Variants in ANKRD52 observed in about 807,000 individuals in gnomAD.
The protein encoded by ANKRD52 is serine/threonine-protein phosphatase 6 regulatory ankyrin repeat subunit C.
Under a neutral mutation model 116.0 loss-of-function variants are expected in ANKRD52, and 7 were observed. The ratio of observed to expected loss-of-function variants is 0.06; its 90% confidence interval spans 0.03 to 0.11. The LOEUF is 0.11. ANKRD52 is among the 10% of genes least tolerant of loss of function. The probability of loss-of-function intolerance (pLI) is 1.00; values close to 1 mark genes in which losing one functional copy is unlikely to be tolerated. For missense variants in ANKRD52, 839 were observed against 1,408.6 expected (o/e 0.60, Z 6.47); for synonymous variants, 528 against 578.1 (o/e 0.91, Z 1.24).
In ANKRD52 at chr12:56,254,014, C is replaced by T. The variant is rs1024053923; in HGVS notation, c.906+53G>A. On this transcript the variant is annotated intron_variant, in intron 8 of 27. Coordinates refer to ENST00000267116, the MANE Select transcript of ANKRD52 (RefSeq NM_173595.4). This position sits in a 1 kb window ranked among gnomAD's most constrained non-coding sequence, Gnocchi z 4.6. ...AGAGCTATCCAGATACAGTCAGGACCCCTAGATCCAAGTTTCGCTCCCCAC... is the reference window on the plus strand; with the variant it reads ...AGAGCTATCCAGATACAGTCAGGACTCCTAGATCCAAGTTTCGCTCCCCAC... 6.5e-6 allele frequency: 10 copies of T among 1,544,572 alleles called. No homozygotes were observed. Among genetic ancestry groups the T allele is most frequent in the African/African-American group, 1.4e-5 (1 of 73,368 alleles).
In ANKRD52 at chr12:56,252,928, C is replaced by A; in HGVS notation, c.1184-31G>T. ...GGCACAGAACAGCCACAGGTCACAT[C>A]TGAGAGTGTTCAGCAGGGAGGGAAA... On this transcript the variant is annotated intron_variant, in intron 11 of 27. Coordinates refer to ENST00000267116, the MANE Select transcript of ANKRD52 (RefSeq NM_173595.4). This position sits in a 1 kb window ranked among gnomAD's most constrained non-coding sequence, Gnocchi z 4.7. 6.2e-7 allele frequency: 1 copy of A among 1,609,222 alleles called. No individual in the cohort carries two copies. The highest frequency in any genetic ancestry group is 8.5e-7 in the Non-Finnish European group (1 of 1,177,366).
At position 56,244,909 on chromosome 12, in the gene ANKRD52, C is replaced by T. The variant is rs1871326040; in HGVS notation, c.2573G>A (p.Gly858Glu). ...AKIVNSRDAK[G>E]RTPLHAAAFA... ...TCCCAAGTCTTCCATCACTCACCGTCCTTTGGCATCTCGGCTGTTCACAAT... is the reference window on the plus strand; with the variant it reads ...TCCCAAGTCTTCCATCACTCACCGTTCTTTGGCATCTCGGCTGTTCACAAT... Residue 858 changes from glycine (G) to glutamate (E), a missense_variant, in exon 23 of 28, where the codon GGA becomes GAA. Coordinates refer to ENST00000267116, the MANE Select transcript of ANKRD52 (RefSeq NM_173595.4). This position sits in a 1 kb window ranked among gnomAD's most constrained non-coding sequence, Gnocchi z 4.9. 1 of 1,614,026 alleles carries T rather than the reference C, an allele frequency of 6.2e-7. No individual in the cohort carries two copies. Among genetic ancestry groups the T allele is most frequent in the Non-Finnish European group, 8.5e-7 (1 of 1,179,898 alleles).
chr12:56,243,418 G>A lies in ANKRD52; in HGVS notation c.2981-26C>T, dbSNP rs375274236. 2.1e-5 allele frequency: 34 copies of A among 1,610,096 alleles called. No homozygotes were observed. The African/African-American group carries it at 3.9e-4, about 18-fold the overall frequency. On this transcript the variant is annotated intron_variant, in intron 27 of 27. Coordinates refer to ENST00000267116, the MANE Select transcript of ANKRD52 (RefSeq NM_173595.4). The surrounding 1 kb of genome is among the most constrained non-coding windows in gnomAD (Gnocchi z 4.6). ...CTGCAGGGCCAAGGGGGAGAACTGA[G>A]GCATAGAGTCCTGTATCCTAGCCAG... is the stretch of plus-strand genomic sequence containing the variant.
Position 56,248,464 on chromosome 12 carries a change from G to A in ANKRD52, c.1776+31C>T. 7 of 1,571,868 alleles carry A rather than the reference G, an allele frequency of 4.5e-6. No homozygotes were observed. The highest frequency in any genetic ancestry group is 6.0e-6 in the Non-Finnish European group (7 of 1,157,156). On this transcript the variant is annotated intron_variant, in intron 17 of 27. Coordinates refer to ENST00000267116, the MANE Select transcript of ANKRD52 (RefSeq NM_173595.4). This position sits in a 1 kb window ranked among gnomAD's most constrained non-coding sequence, Gnocchi z 5.1. ...AGGGCCTGGGAACAGGTAGGACAAG[G>A]AAGGCAACAGAAAAAAGACGTGGGA...
At position 56,241,649 on chromosome 12, in the gene ANKRD52, A is replaced by G. The variant is rs1358718538; in HGVS notation, c.*1493T>C. 1.3e-5 allele frequency: 3 copies of G among 230,406 alleles called. No individual in the cohort carries two copies. Among genetic ancestry groups the G allele is most frequent in the African/African-American group, 4.5e-5 (2 of 44,472 alleles). The allele number at this position is 230,406 out of a possible 1,614,324, so 14.3% of individuals were successfully genotyped here. A position where few individuals can be genotyped will look rare whatever the true frequency, so the allele number is the denominator to read the frequency against. On this transcript the variant is annotated 3_prime_UTR_variant, in exon 28 of 28. Transcript: ENST00000267116. ...TGGGGGCGGAGGGGGCATGACCTCT[A>G]TTCAAGTTCTGTGTCTTGGCCCCTG...
Position 56,241,135 on chromosome 12 carries a change from G to C in ANKRD52, c.*2007C>G, listed in dbSNP as rs891022675. ...ATTGTCATATAGGGGAGGACACGGT[G>C]TGGAGGGAGGTGGGCAAGAGGGGCG... On this transcript the variant is annotated 3_prime_UTR_variant, in exon 28 of 28. Coordinates refer to ENST00000267116, the MANE Select transcript of ANKRD52 (RefSeq NM_173595.4). The C allele has an allele frequency of 6.6e-6, 1 of 152,190 alleles. No homozygotes were observed. The highest frequency in any genetic ancestry group is 2.4e-5 in the African/African-American group (1 of 41,420). The allele number at this position is 152,190 out of a possible 1,614,324, so 9.4% of individuals were successfully genotyped here.
chr12:56,248,696 G>A lies in ANKRD52; in HGVS notation c.1704+63C>T. ...ACATTTGATTGAACCCTTAGTTTTG[G>A]AATCCACAAACCCTGTGCCCTGCCC... On this transcript the variant is annotated intron_variant, in intron 16 of 27. Transcript: ENST00000267116. This position sits in a 1 kb window ranked among gnomAD's most constrained non-coding sequence, Gnocchi z 5.1. The A allele has an allele frequency of 6.6e-7, 1 of 1,514,758 alleles. No individual in the cohort carries two copies. The highest frequency in any genetic ancestry group is 9.0e-7 in the Non-Finnish European group (1 of 1,109,028). The allele number at this position is 1,514,758 out of a possible 1,614,324, so 93.8% of individuals were successfully genotyped here.
intron 4 of ANKRD52, among the ~76,000 whole-genome samples, chr12:56,256,743 C>T (rs1871972657): frequency 1.3e-5 from 2 of 152,212 alleles, no homozygotes; most frequent in Non-Finnish European, 2.9e-5. Context: ...AAGGTGGCCC[C>T]CCAGGGAGGG....
intron 20 of ANKRD52, among the ~76,000 whole-genome samples, chr12:56,246,765 C>T (rs1033618976): frequency 1.3e-5 from 2 of 151,422 alleles, no homozygotes; most frequent in Admixed American, 6.6e-5. Context: ...ACTAAAAATA[C>T]AAAAATTAGC....
intron 4 of ANKRD52, among the ~76,000 whole-genome samples, chr12:56,256,717 G>C (rs1255468004): frequency 1.3e-5 from 2 of 152,272 alleles, no homozygotes; most frequent in Non-Finnish European, 2.9e-5. Context: ...TCAGTGCCCA[G>C]AGGGGGATCA....
In ANKRD52 at chr12:56,241,521, T is replaced by C. The variant is rs1195671025; in HGVS notation, c.*1621A>G. 1 of 154,452 alleles carries C rather than the reference T, an allele frequency of 6.5e-6. No individual in the cohort carries two copies. Among genetic ancestry groups the C allele is most frequent in the East Asian group, 1.9e-4 (1 of 5,308 alleles). 9.6% of individuals were successfully genotyped at this position (154,452 alleles called of 1,614,324 possible). A position where few individuals can be genotyped will look rare whatever the true frequency, so the allele number is the denominator to read the frequency against. On this transcript the variant is annotated 3_prime_UTR_variant, in exon 28 of 28. Coordinates refer to ENST00000267116, the MANE Select transcript of ANKRD52 (RefSeq NM_173595.4). ...GCAAACTTGAGTAGGGGAGGGAGGC[T>C]GAAGGATCCCCCCTCAGGGGAGACC...
At chr12:56,258,140 G>A in intron 1 of ANKRD52, 103 bp downstream of exon 1, 1 of 1,525,938 alleles carries the variant, frequency 6.6e-7, no homozygotes, top group Middle Eastern at 2.1e-4. Context: ...GGAGCTGCGG[G>A]AGCCCCGGGC....
At chr12:56,256,927 G>T in intron 4 of ANKRD52, 88 bp downstream of exon 4, 4 of 1,393,556 alleles carry the variant, frequency 2.9e-6, no homozygotes, top group East Asian at 2.4e-5. Context: ...AGCTTGTAGG[G>T]CTGAGGACTG....
chr12:56,254,602 C>T lies in ANKRD52; in HGVS notation c.669G>A (p.Lys223=). 1 of 1,613,992 alleles carries T rather than the reference C, an allele frequency of 6.2e-7. No homozygotes were observed. The highest frequency in any genetic ancestry group is 8.5e-7 in the Non-Finnish European group (1 of 1,179,888). The change falls in exon 7 of 28, where the codon AAG becomes AAA. Residue 223 remains lysine (K), a synonymous_variant. Coordinates refer to ENST00000267116, the MANE Select transcript of ANKRD52 (RefSeq NM_173595.4). The surrounding 1 kb of genome is among the most constrained non-coding windows in gnomAD (Gnocchi z 4.6). The part of the protein sequence containing the change: ...AAASGQIEVV[K]YLLRMGAEID... ...CCTCCGCTCCCATCCGAAGCAGGTA[C>T]TTCACCACTTCAATCTGGCCACTGG...
rs1871748299 is a variant in ANKRD52, at chr12:56,252,432, C to A, written c.1370+70G>T. On this transcript the variant is annotated intron_variant, in intron 13 of 27. Coordinates refer to ENST00000267116, the MANE Select transcript of ANKRD52 (RefSeq NM_173595.4). The surrounding 1 kb of genome is among the most constrained non-coding windows in gnomAD (Gnocchi z 4.7). ...TCCTTATTTAAGTCTCCAATCTAAA[C>A]CCTTCCTCCCTCTACCATTTGTTTC... 2.5e-6 allele frequency: 4 copies of A among 1,594,566 alleles called. No homozygotes were observed. Among genetic ancestry groups the A allele is most frequent in the Non-Finnish European group, 3.4e-6 (4 of 1,162,904 alleles).
rs776044176 is a variant in ANKRD52, at chr12:56,254,296, G to A, written c.694-17C>T. The A allele has an allele frequency of 6.8e-6, 11 of 1,610,996 alleles. No individual in the cohort carries two copies. Among genetic ancestry groups the A allele is most frequent in the Non-Finnish European group, 4.2e-6 (5 of 1,178,414 alleles). On this transcript the variant is annotated splice_polypyrimidine_tract_variant and intron_variant, in intron 7 of 27. Transcript: ENST00000267116. The surrounding 1 kb of genome is among the most constrained non-coding windows in gnomAD (Gnocchi z 4.6). The stretch of plus-strand genomic sequence containing the variant: ...TTCATCGATCTGGATATTCAGGGGT[G>A]AGAGTAAGGTGGTATCAGTTTAAAC...
At chr12:56,251,112 T>C (rs2135887428) in intron 15 of ANKRD52, among the ~76,000 whole-genome samples, 2 of 152,072 alleles carry the variant, frequency 1.3e-5, no homozygotes, top group Admixed American at 1.3e-4. Flanking sequence ...AGCTAATTTT[T>C]ATATTTTTAG....
chr12:56,243,183 G>A lies in ANKRD52; in HGVS notation c.3190C>T (p.Arg1064Trp), dbSNP rs752514768. 4 of 1,610,350 alleles carry A rather than the reference G, an allele frequency of 2.5e-6. No individual in the cohort carries two copies. Among genetic ancestry groups the A allele is most frequent in the South Asian group, 1.1e-5 (1 of 90,522 alleles). ...CCATCTAACCCAATGGCGCCGGGCC[G>A]CTCCTGGCTGTAGGGGCAGGAGGCC... Reference protein sequence around the residue: ...HGASCPYSQERPGAIGLDGCY... With the variant: ...HGASCPYSQEWPGAIGLDGCY... Residue 1064 changes from arginine (R) to tryptophan (W), a missense_variant, in exon 28 of 28, where the codon CGG (arginine) becomes TGG (tryptophan). Arg to Trp is a moderately radical substitution (Grantham distance 101). Coordinates refer to ENST00000267116, the MANE Select transcript of ANKRD52 (RefSeq NM_173595.4). This position sits in a 1 kb window ranked among gnomAD's most constrained non-coding sequence, Gnocchi z 4.6.
rs888836458 is a variant in ANKRD52 at position 56,243,460 on chromosome 12, A to T, written c.2981-68T>A. The stretch of plus-strand genomic sequence containing the variant: ...CCTAGCCAGCCTCCCCCAAGCCCTG[A>T]AGTCTCTTCTCTGTGGAGGGAGCCA... On this transcript the variant is annotated intron_variant, in intron 27 of 27. Coordinates refer to ENST00000267116, the MANE Select transcript of ANKRD52 (RefSeq NM_173595.4). This position sits in a 1 kb window ranked among gnomAD's most constrained non-coding sequence, Gnocchi z 4.6. 15 of 1,536,826 alleles carry T rather than the reference A, an allele frequency of 9.8e-6. No individual in the cohort carries two copies. The highest frequency in any genetic ancestry group is 1.4e-5 in the African/African-American group (1 of 73,202).
Sources: allele counts gnomAD v4.1 joint callset (sites outside exome capture counted in the v4.1 genomes callset), GRCh38; gene constraint gnomAD v4.1.1; non-coding constraint Gnocchi (gnomAD v3.1); transcripts MANE v1.5; gene names NCBI Gene and HGNC (gene_info 2026-07-23, HGNC 2026-07-21).